Variants in PAN3 observed in about 807,000 individuals in gnomAD.
The protein encoded by PAN3 is PAN2-PAN3 deadenylation complex subunit PAN3.
Under a neutral mutation model 96.2 loss-of-function variants are expected in PAN3, and 19 were observed. That is an observed-to-expected ratio of 0.20 (90% CI 0.14 to 0.29). The LOEUF (loss-of-function observed/expected upper bound fraction) is 0.29. Among genes scored for constraint, PAN3 ranks in the 10% least tolerant of loss-of-function variants. The pLI is 1.00. For missense variants in PAN3, 882 were observed against 1,108.1 expected, an observed-to-expected ratio of 0.80 and a Z score of 2.90; for synonymous variants, 433 against 406.6, an observed-to-expected ratio of 1.06 and a Z score of -0.78.
chr13:28,152,167 A>G lies in PAN3; in HGVS notation c.430+13080A>G, dbSNP rs573463888. On this transcript the variant is annotated intron_variant, in intron 1 of 18. Transcript: ENST00000380958. ...CACTATCCCATCACATTTAATAACT[A>G]TTTCATGAGATAGATACTGTTTTCA... Among the ~76,000 whole-genome samples, 4 of 152,280 alleles carry G rather than the reference A, an allele frequency of 2.6e-5. 1 individual carries two copies. In the South Asian group the frequency reaches 8.3e-4, roughly 32 times the overall value.
At chr13:28,234,553 C>T (rs1882902186) in intron 6 of PAN3, among the ~76,000 whole-genome samples, 1 of 152,156 alleles carries the variant, frequency 6.6e-6, no homozygotes, top group South Asian at 2.1e-4. Context: ...TAGCTACTAC[C>T]TAAGCTATGT....
intron 1 of PAN3, among the ~76,000 whole-genome samples, chr13:28,146,002 A>G (rs1481383108): frequency 6.6e-6 from 1 of 151,818 alleles, no homozygotes; most frequent in Non-Finnish European, 1.5e-5. Flanking sequence ...CCCTAACTTC[A>G]AGGCTGCCTC....
At position 28,292,328 on chromosome 13, in the gene PAN3, T is replaced by C. The variant is rs1410431354; in HGVS notation, c.2524-54T>C. 9 of 1,473,958 alleles carry C rather than the reference T, an allele frequency of 6.1e-6. No homozygotes were observed. The Admixed American group carries it at 1.9e-4, about 31-fold the overall frequency. 91.3% of individuals were successfully genotyped at this position (1,473,958 alleles called of 1,614,324 possible). A position where few individuals can be genotyped will look rare whatever the true frequency, so the allele number is the denominator to read the frequency against. ...TATTTATTTTTGCTGCAAACGTAGA[T>C]AAATTCTTTTCTGCATGTTATGAAT... On this transcript the variant is annotated intron_variant, in intron 18 of 18. Coordinates refer to ENST00000380958, the MANE Select transcript of PAN3 (RefSeq NM_175854.8).
At chr13:28,286,136 T>G (rs1012364005) in intron 17 of PAN3, among the ~76,000 whole-genome samples, 3 of 152,226 alleles carry the variant, frequency 2.0e-5, no homozygotes, top group African/African-American at 4.8e-5. Flanking sequence ...TTTTGTTTGT[T>G]TTTGATAGAC....
In PAN3 at chr13:28,270,845, T is replaced by C. The variant is rs1396883975; in HGVS notation, c.1937T>C (p.Ile646Thr). The C allele has an allele frequency of 6.2e-7, 1 of 1,613,708 alleles. No individual in the cohort carries two copies. The highest frequency in any genetic ancestry group is 1.1e-5 in the South Asian group (1 of 91,048). ...LACRVMDPTK[I>T]LITGKTRLRV... ...TGTCGAGTTATGGATCCAACAAAGA[T>C]TCTGATAACTGGCAAAACAAGGTAC... The change falls in exon 13 of 19, where the codon ATT (isoleucine) becomes ACT (threonine). Residue 646 changes from isoleucine (I) to threonine (T), a missense_variant. Physicochemically the swap from Ile to Thr is moderately conservative, Grantham distance 89 (BLOSUM62 -1). Coordinates refer to ENST00000380958, the MANE Select transcript of PAN3 (RefSeq NM_175854.8).
At position 28,148,587 on chromosome 13, in the gene PAN3, T is replaced by C. The variant is rs1370122673; in HGVS notation, c.430+9500T>C. The stretch of plus-strand genomic sequence containing the variant: ...AGTACATAGTGAAAAATAGCCTCCT[T>C]CCCTCCCTAGTTACCTGATCCCTGT... On this transcript the variant is annotated intron_variant, in intron 1 of 18. Transcript: ENST00000380958. Among the ~76,000 whole-genome samples the C allele has an allele frequency of 3.9e-5, 6 of 152,288 alleles. No individual in the cohort carries two copies. The East Asian group carries it at 1.2e-3, about 29-fold the overall frequency.
chr13:28,141,824 G>A (rs187596311), intron 1 of PAN3, among the ~76,000 whole-genome samples: 1 of 152,286 alleles, frequency 6.6e-6, no homozygotes, highest in Non-Finnish European at 1.5e-5. Flanking sequence ...CAGGATGTAA[G>A]CAGATGAAGA....
At chr13:28,192,048 CT>C (rs58195419) in intron 4 of PAN3, among the ~76,000 whole-genome samples, 36,382 of 123,062 alleles carry the variant, frequency 0.3, 4,347 homozygotes, top group East Asian at 0.38. Context: ...TAAAACAATA[CT>C]TTTTTTTTTT....
intron 5 of PAN3, among the ~76,000 whole-genome samples, chr13:28,206,662 C>G (rs961322390): frequency 2.2e-4 from 33 of 152,092 alleles, no homozygotes; most frequent in African/African-American, 7.5e-4. Flanking sequence ...TACTTGCCCT[C>G]TGCTACAATT....
chr13:28,157,382 G>A (rs1407469666), intron 1 of PAN3, among the ~76,000 whole-genome samples: 1 of 152,116 alleles, frequency 6.6e-6, no homozygotes, highest in Admixed American at 6.6e-5. Context: ...GCAAGAGAAA[G>A]AAATAAAAGG....
intron 6 of PAN3, among the ~76,000 whole-genome samples, chr13:28,247,521 C>A (rs1225264146): frequency 6.6e-6 from 1 of 152,104 alleles, no homozygotes; most frequent in Non-Finnish European, 1.5e-5. Context: ...GACTGATGTC[C>A]TGAGGGCTTT....
At chr13:28,255,103 TC>T (rs1374501433) in intron 6 of PAN3, among the ~76,000 whole-genome samples, 2 of 152,334 alleles carry the variant, frequency 1.3e-5, no homozygotes, top group East Asian at 1.9e-4. Flanking sequence ...GAAACTCATA[TC>T]CCTGTTAATC....
At chr13:28,145,252 C>CGTGTGTGTGT (rs112715236) in intron 1 of PAN3, among the ~76,000 whole-genome samples, 3 of 151,678 alleles carry the variant, frequency 2.0e-5, no homozygotes, top group African/African-American at 7.3e-5. Context: ...TTTGCACTTG[C>CGTGTGTGTGT]GTGTGTGTGT....
intron 5 of PAN3, among the ~76,000 whole-genome samples, chr13:28,217,465 C>A (rs562970386): frequency 1.3e-5 from 2 of 151,914 alleles, no homozygotes; most frequent in African/African-American, 4.8e-5. Flanking sequence ...ACCTGTAATC[C>A]CTGCTACTAG....
intron 5 of PAN3, among the ~76,000 whole-genome samples, chr13:28,203,151 G>A (rs1185852595): frequency 3.3e-5 from 5 of 151,314 alleles, no homozygotes; most frequent in African/African-American, 1.2e-4. Flanking sequence ...GGTAGAAACA[G>A]GGTTTCACCG....
At chr13:28,182,329 G>A (rs1031505796) in intron 4 of PAN3, among the ~76,000 whole-genome samples, 3 of 152,074 alleles carry the variant, frequency 2.0e-5, no homozygotes, top group African/African-American at 7.2e-5. Flanking sequence ...CTGGGCTATT[G>A]CCCTTCTTCA....
intron 5 of PAN3, among the ~76,000 whole-genome samples, chr13:28,210,224 T>C (rs1879870254): frequency 6.6e-6 from 1 of 152,244 alleles, no homozygotes; most frequent in Non-Finnish European, 1.5e-5. Flanking sequence ...TTTACATGTC[T>C]ATAATGTCAA....
intron 13 of PAN3, among the ~76,000 whole-genome samples, chr13:28,271,426 GGT>G (rs1462003664): frequency 6.6e-6 from 1 of 152,118 alleles, no homozygotes. Context: ...CTGAAGATCT[GGT>G]ACCAAGTTAT....
intron 17 of PAN3, among the ~76,000 whole-genome samples, chr13:28,285,391 G>A (rs1230673899): frequency 6.6e-6 from 1 of 152,144 alleles, no homozygotes; most frequent in Non-Finnish European, 1.5e-5. Flanking sequence ...CAGATTCAAA[G>A]GCATTTTCTT....
Sources: gnomAD v4.1 joint callset for allele counts (sites outside exome capture counted in the v4.1 genomes callset) on GRCh38, gnomAD v4.1.1 for gene constraint, MANE v1.5 for transcripts, NCBI Gene and HGNC (gene_info 2026-07-23, HGNC 2026-07-21) for gene names.